The following ATG10 variants were observed in gnomAD, a reference collection of about 807,000 sequenced individuals.
ATG10 encodes ubiquitin-like-conjugating enzyme ATG10.
ATG10 carries 30 observed loss-of-function variants against 32.1 expected under a neutral mutation model. That is an observed-to-expected ratio of 0.94 (90% CI 0.70 to 1.27). The LOEUF (loss-of-function observed/expected upper bound fraction) is 1.27. Ranked by LOEUF, ATG10 falls within the 50% of genes most tolerant of loss-of-function variation. The pLI is 0.00. For synonymous variants in ATG10, 87 were observed against 91.5 expected, an observed-to-expected ratio of 0.95 and a Z score of 0.28; for missense variants, 233 against 262.3, an observed-to-expected ratio of 0.89 and a Z score of 0.77.
At chr5:82,034,382 C>G (rs531006813) in intron 2 of ATG10, among the ~76,000 whole-genome samples, 1 of 152,306 alleles carries the variant, frequency 6.6e-6, no homozygotes, top group East Asian at 1.9e-4. Flanking sequence ...TATATTCATA[C>G]TCGACCACTT....
chr5:82,214,481 G>C (rs1212187233), intron 5 of ATG10, among the ~76,000 whole-genome samples: 3 of 151,966 alleles, frequency 2.0e-5, no homozygotes, highest in Non-Finnish European at 4.4e-5. Flanking sequence ...AATTATAATT[G>C]GTTTCTAATT....
chr5:82,127,245 T>C (rs1048060966), intron 3 of ATG10, among the ~76,000 whole-genome samples: 3 of 152,158 alleles, frequency 2.0e-5, no homozygotes, highest in Non-Finnish European at 1.5e-5. Context: ...CCTGGATTCA[T>C]TGATTTTTTT....
chr5:82,086,099 CT>C (rs1293606305), intron 3 of ATG10, among the ~76,000 whole-genome samples: 1 of 152,062 alleles, frequency 6.6e-6, no homozygotes, highest in East Asian at 1.9e-4. Context: ...GTTTGATTGA[CT>C]TTTTCACCAA....
At chr5:82,250,322 T>C (rs1747204598) in intron 5 of ATG10, among the ~76,000 whole-genome samples, 1 of 152,188 alleles carries the variant, frequency 6.6e-6, no homozygotes, top group Non-Finnish European at 1.5e-5. Flanking sequence ...CACCTTATTT[T>C]AGTCCATTTA....
intron 2 of ATG10, among the ~76,000 whole-genome samples, chr5:81,988,419 G>GT (rs1761354109): frequency 1.3e-5 from 2 of 152,116 alleles, no homozygotes; most frequent in South Asian, 4.1e-4. Flanking sequence ...GATTATAGGC[G>GT]TGAGCCACCA....
At chr5:82,245,641 GATATA>G (rs925988043) in intron 5 of ATG10, among the ~76,000 whole-genome samples, 24 of 152,054 alleles carry the variant, frequency 1.6e-4, no homozygotes, top group African/African-American at 5.1e-4. Flanking sequence ...ATGAGTGAAT[GATATA>G]ATATATGAAT....
At chr5:82,074,707 T>C (rs528601555) in intron 3 of ATG10, among the ~76,000 whole-genome samples, 2 of 152,332 alleles carry the variant, frequency 1.3e-5, no homozygotes, top group East Asian at 3.9e-4. Flanking sequence ...AAATGATTCA[T>C]TCTCACTTTA....
intron 5 of ATG10, among the ~76,000 whole-genome samples, chr5:82,197,720 T>TTCTATCTATCTATCTATCTA (rs10586711): frequency 3.5e-5 from 5 of 143,830 alleles, no homozygotes; most frequent in Non-Finnish European, 7.6e-5. Context: ...CTTTCTTTCT[T>TTCTATCTATCTATCTATCTA]TCTATCTATC....
chr5:82,136,927 T>C (rs1457297625), intron 3 of ATG10, among the ~76,000 whole-genome samples: 1 of 152,142 alleles, frequency 6.6e-6, no homozygotes, highest in Non-Finnish European at 1.5e-5. Flanking sequence ...TCTTTTTCTC[T>C]AATCTTGTCT....
intron 4 of ATG10, among the ~76,000 whole-genome samples, chr5:82,172,751 G>C (rs920515949): frequency 3.9e-5 from 6 of 152,112 alleles, no homozygotes; most frequent in Non-Finnish European, 5.9e-5. Flanking sequence ...GCAAAAGAAA[G>C]TTGCCATAGT....
At chr5:82,200,463 CTTTTTTT>C (rs764388608) in intron 5 of ATG10, among the ~76,000 whole-genome samples, 3 of 52,556 alleles carry the variant, frequency 5.7e-5, no homozygotes, top group South Asian at 7.2e-4. Context: ...TCCCTAACTT[CTTTTTTT>C]TTTTTTTTTT....
intron 5 of ATG10, among the ~76,000 whole-genome samples, chr5:82,207,193 A>G (rs1031376624): frequency 3.3e-5 from 5 of 152,232 alleles, no homozygotes; most frequent in Non-Finnish European, 7.3e-5. Flanking sequence ...TTGCTGGGTC[A>G]TAGGACATGC....
chr5:82,159,943 A>G (rs1320089438), intron 3 of ATG10, among the ~76,000 whole-genome samples: 2 of 152,216 alleles, frequency 1.3e-5, no homozygotes, highest in African/African-American at 2.4e-5. Flanking sequence ...ATCCCCCAGT[A>G]GTAACTTCTT....
chr5:82,072,159 A>G (rs892485033), intron 3 of ATG10, among the ~76,000 whole-genome samples: 4 of 152,192 alleles, frequency 2.6e-5, no homozygotes, highest in African/African-American at 9.6e-5. Flanking sequence ...GGCAAAGCTA[A>G]GAGGTAGTAT....
At chr5:82,067,322 A>T (rs1322799885) in intron 3 of ATG10, among the ~76,000 whole-genome samples, 2 of 152,338 alleles carry the variant, frequency 1.3e-5, no homozygotes, top group East Asian at 3.9e-4. Context: ...ATTGCACTAA[A>T]TATACTATTT....
At chr5:82,047,784 A>C (rs1763276597) in intron 2 of ATG10, among the ~76,000 whole-genome samples, 1 of 152,206 alleles carries the variant, frequency 6.6e-6, no homozygotes, top group African/African-American at 2.4e-5. Context: ...GAGAGCTTCC[A>C]GGAAAAGGGA....
chr5:82,024,683 C>T (rs905192633), intron 2 of ATG10, among the ~76,000 whole-genome samples: 34 of 152,118 alleles, frequency 2.2e-4, no homozygotes, highest in African/African-American at 7.7e-4. Flanking sequence ...TGAAGTTTGA[C>T]TAAAGAAAAA....
At chr5:82,239,546 G>C (rs1377208284) in intron 5 of ATG10, among the ~76,000 whole-genome samples, 2 of 152,164 alleles carry the variant, frequency 1.3e-5, no homozygotes, top group Non-Finnish European at 2.9e-5. Flanking sequence ...TGATTGGTCA[G>C]GGATTAGTGG....
chr5:82,137,445 C>A (rs1766809332), intron 3 of ATG10, among the ~76,000 whole-genome samples: 1 of 152,180 alleles, frequency 6.6e-6, no homozygotes, highest in African/African-American at 2.4e-5. Flanking sequence ...CTTTCTGTTT[C>A]TTACTGTCCT....
Sources: allele counts gnomAD v4.1 joint callset (sites outside exome capture counted in the v4.1 genomes callset), GRCh38; gene constraint gnomAD v4.1.1; transcripts MANE v1.5; gene names NCBI Gene and HGNC (gene_info 2026-07-23, HGNC 2026-07-21).